Variants in GLIS3 observed in about 807,000 individuals in gnomAD.
GLIS3 encodes the protein zinc finger protein GLIS3.
In GLIS3, 53 loss-of-function variants were observed where a neutral mutation model predicts 78.6. The ratio of observed to expected loss-of-function variants is 0.67; its 90% CI spans 0.54 to 0.85. GLIS3 has a LOEUF of 0.85. Ranked by LOEUF, GLIS3 falls within the 40% of genes least tolerant of loss-of-function variation. GLIS3 has a pLI of 0.00. For synonymous variants in GLIS3, 684 were observed against 509.9 expected (o/e 1.34, Z -4.60); for missense variants, 1,703 against 1,231.1 (o/e 1.38, Z -5.74).
the GLIS3 span, among the ~76,000 whole-genome samples, chr9:4,425,918 A>C: frequency 6.6e-6 from 1 of 152,192 alleles, no homozygotes; most frequent in Non-Finnish European, 1.5e-5. Context: ...AGTCCCAGGA[A>C]GGCCCCAGAA....
Position 4,093,727 on chromosome 9 carries a change from C to G in GLIS3, c.1710+24041G>C, listed in dbSNP as rs753532581. On this transcript the variant is annotated intron_variant, in intron 4 of 10. Coordinates refer to ENST00000381971, the MANE Select transcript of GLIS3 (RefSeq NM_001042413.2). ...CACTGGCTGAGTTTGATTTGTGTAT[C>G]TGCAACTCTTCTAGATTGCAGTTAT... is the stretch of plus-strand genomic sequence containing the variant. Among the ~76,000 whole-genome samples, 15 of 152,160 alleles carry G rather than the reference C, an allele frequency of 9.9e-5. No individual in the cohort carries two copies. The East Asian group carries it at 1.5e-3, about 16-fold the overall frequency.
intron 2 of GLIS3, among the ~76,000 whole-genome samples, chr9:4,154,898 C>A (rs1419049887): frequency 6.6e-6 from 1 of 152,074 alleles, no homozygotes; most frequent in East Asian, 1.9e-4. Context: ...CTTGACTAAA[C>A]AAATTATAGT....
intron 4 of GLIS3, among the ~76,000 whole-genome samples, chr9:4,023,824 TACTG>T (rs997920780): frequency 6.5e-4 from 99 of 152,308 alleles, no homozygotes; most frequent in African/African-American, 2.3e-3. Context: ...CAAACTTTGT[TACTG>T]ACCCTCAATT....
At chr9:4,407,385 C>T in the GLIS3 span, among the ~76,000 whole-genome samples, 21 of 152,386 alleles carry the variant, frequency 1.4e-4, no homozygotes, top group African/African-American at 4.1e-4. Context: ...GTGGCTCACA[C>T]CTGTAATCCC....
chr9:4,414,073 C>T, the GLIS3 span, among the ~76,000 whole-genome samples: 8 of 152,108 alleles, frequency 5.3e-5, no homozygotes, highest in African/African-American at 1.7e-4. Flanking sequence ...ATGTACATTT[C>T]CTCTGAATCA....
At chr9:4,022,559 C>G (rs1260116051) in intron 4 of GLIS3, among the ~76,000 whole-genome samples, 2 of 152,202 alleles carry the variant, frequency 1.3e-5, no homozygotes, top group East Asian at 1.9e-4. Context: ...TATGACCCAG[C>G]CATCTCATTC....
the GLIS3 span, among the ~76,000 whole-genome samples, chr9:4,474,789 C>G: frequency 2.7e-5 from 4 of 149,680 alleles, no homozygotes; most frequent in African/African-American, 4.9e-5. Context: ...CTCAACCTCC[C>G]AGTCTCAAGT....
intron 4 of GLIS3, among the ~76,000 whole-genome samples, chr9:4,047,992 G>A (rs745511086): frequency 2.0e-5 from 3 of 152,148 alleles, no homozygotes; most frequent in Non-Finnish European, 4.4e-5. Context: ...AACAATCTCT[G>A]GGTAAGAAGT....
chr9:4,215,482 A>T (rs1820746401), intron 2 of GLIS3, among the ~76,000 whole-genome samples: 1 of 152,186 alleles, frequency 6.6e-6, no homozygotes. Context: ...TGGTGAAGGA[A>T]AAAAATCTGT....
intron 2 of GLIS3, among the ~76,000 whole-genome samples, chr9:4,198,773 A>C (rs1819097852): frequency 6.6e-6 from 1 of 152,224 alleles, no homozygotes; most frequent in Admixed American, 6.5e-5. Flanking sequence ...AGACTGTCCA[A>C]GGTCAATGCT....
At chr9:4,385,859 G>A in the GLIS3 span, among the ~76,000 whole-genome samples, 1 of 151,806 alleles carries the variant, frequency 6.6e-6, no homozygotes, top group Non-Finnish European at 1.5e-5. Flanking sequence ...TTTTCCTGGT[G>A]CACAAGGCTC....
At chr9:3,855,489 G>A (rs140034705) in intron 9 of GLIS3, 211 of 181,574 alleles carry the variant, frequency 1.2e-3, no homozygotes, top group African/African-American at 4.5e-3. Flanking sequence ...GGTAGAGGAA[G>A]CATAAATACT....
the GLIS3 span, among the ~76,000 whole-genome samples, chr9:4,419,820 G>T: frequency 6.6e-6 from 1 of 151,846 alleles, no homozygotes; most frequent in Admixed American, 6.6e-5. Flanking sequence ...AAAACAACCA[G>T]ATCTCATGAG....
At chr9:3,916,470 C>T (rs887046738) in intron 6 of GLIS3, among the ~76,000 whole-genome samples, 5 of 152,186 alleles carry the variant, frequency 3.3e-5, no homozygotes, top group African/African-American at 9.7e-5. Context: ...TTCTCATTGA[C>T]GCCACTCAAA....
the GLIS3 span, among the ~76,000 whole-genome samples, chr9:4,486,275 T>A: frequency 6.6e-6 from 1 of 152,058 alleles, no homozygotes; most frequent in Non-Finnish European, 1.5e-5. Context: ...CACAAAGAAG[T>A]GGAAGTTCCT....
At chr9:3,905,353 T>G (rs1823623969) in intron 6 of GLIS3, among the ~76,000 whole-genome samples, 1 of 152,088 alleles carries the variant, frequency 6.6e-6, no homozygotes, top group African/African-American at 2.4e-5. Flanking sequence ...GGAAAGAACC[T>G]GGGTAGCCAA....
chr9:4,073,465 T>C (rs1827783926), intron 4 of GLIS3, among the ~76,000 whole-genome samples: 1 of 152,176 alleles, frequency 6.6e-6, no homozygotes, highest in Non-Finnish European at 1.5e-5. Flanking sequence ...AAGTCACTCA[T>C]AAGTGGATCC....
chr9:4,476,696 GT>G, the GLIS3 span, among the ~76,000 whole-genome samples: 15 of 148,076 alleles, frequency 1.0e-4, no homozygotes, highest in East Asian at 5.9e-4. Flanking sequence ...TATGGGTCTT[GT>G]TTTTTTTTTA....
intron 4 of GLIS3, among the ~76,000 whole-genome samples, chr9:3,959,715 C>G (rs149703480): frequency 6.6e-6 from 1 of 152,300 alleles, no homozygotes; most frequent in East Asian, 1.9e-4. Flanking sequence ...ATTTCTTCCC[C>G]TAGAGTCTCA....
Sources: allele counts gnomAD v4.1 joint callset (sites outside exome capture counted in the v4.1 genomes callset), GRCh38; gene constraint gnomAD v4.1.1; transcripts MANE v1.5; gene names NCBI Gene and HGNC (gene_info 2026-07-23, HGNC 2026-07-21).